The following FGF1 variants were observed in gnomAD, a reference collection of about 807,000 sequenced individuals.
FGF1 encodes the protein beta-endothelial cell growth factor.
In FGF1, 9 loss-of-function variants were observed where a neutral mutation model predicts 13.4. The observed-to-expected ratio is 0.67, with a 90% CI of 0.40 to 1.17. The LOEUF (loss-of-function observed/expected upper bound fraction) is 1.17, where lower values mean the gene tolerates loss of function less well. Ranked by LOEUF, FGF1 falls within the 50% of genes most tolerant of loss-of-function variation. FGF1 has a pLI of 0.01. For missense variants in FGF1, 156 were observed against 192.7 expected, an observed-to-expected ratio of 0.81 and a Z score of 1.13; for synonymous variants, 93 against 79.0, an observed-to-expected ratio of 1.18 and a Z score of -0.94.
chr5:142,695,218 G>A (rs1027700153), intron 2 of FGF1, among the ~76,000 whole-genome samples: 2 of 152,194 alleles, frequency 1.3e-5, no homozygotes, highest in South Asian at 4.1e-4. Context: ...GATGATGCCT[G>A]TAGGGACTCC....
chr5:142,661,767 G>T (rs1310501287), intron 1 of FGF1, among the ~76,000 whole-genome samples: 1 of 152,136 alleles, frequency 6.6e-6, no homozygotes, highest in Non-Finnish European at 1.5e-5. Context: ...ACTTTGGGAG[G>T]CCAAGGCGGG....
At chr5:142,694,699 G>A (rs10476843) in intron 2 of FGF1, among the ~76,000 whole-genome samples, 236 of 152,268 alleles carry the variant, frequency 1.5e-3, no homozygotes, top group African/African-American at 5.5e-3. Context: ...AGCCCAAGGG[G>A]CAAGCTTAAA....
chr5:142,608,737 CATATAT>C (rs1002614863), intron 2 of FGF1, among the ~76,000 whole-genome samples: 5 of 142,004 alleles, frequency 3.5e-5, no homozygotes, highest in African/African-American at 5.3e-5. Flanking sequence ...ACATATATAT[CATATAT>C]ATATAGTATA....
At chr5:142,626,548 C>T (rs1210847150) in intron 1 of FGF1, among the ~76,000 whole-genome samples, 2 of 152,158 alleles carry the variant, frequency 1.3e-5, no homozygotes, top group African/African-American at 4.8e-5. Context: ...GACCCTTGAG[C>T]TTCTCTATTC....
At chr5:142,695,581 C>CAAAAAAAAAAAAAAAAAAA (rs1202362613) in intron 2 of FGF1, among the ~76,000 whole-genome samples, 4 of 117,282 alleles carry the variant, frequency 3.4e-5, no homozygotes, top group African/African-American at 1.4e-4. Context: ...GACTCTGTAT[C>CAAAAAAAAAAAAAAAAAAA]AAAAAGAAAA....
chr5:142,629,994 A>G (rs1483603797), intron 1 of FGF1, among the ~76,000 whole-genome samples: 2 of 151,304 alleles, frequency 1.3e-5, no homozygotes, highest in Non-Finnish European at 2.9e-5. Flanking sequence ...GCCGGGTTCA[A>G]GTGATTCTCC....
intron 1 of FGF1, 150 bp from the exon 2 acceptor site, chr5:142,614,311 G>A (rs1424963113): frequency 3.2e-6 from 2 of 625,634 alleles, no homozygotes; most frequent in East Asian, 5.6e-5. Flanking sequence ...CCGCGGGCCT[G>A]TGAGGTGGCT....
chr5:142,672,464 G>A lies in FGF1; in HGVS notation c.-35+13493C>T, dbSNP rs1307448971. On this transcript the variant is annotated intron_variant, in intron 1 of 3. Coordinates refer to ENST00000337706, the MANE Select transcript of FGF1 (RefSeq NM_000800.5). Reference sequence around the variant, plus strand: ...TTACTCACATCCCTGCTCTGCTAACGTTTTGGATGCTCTCCTTCAGGTCTT... The same window carrying A: ...TTACTCACATCCCTGCTCTGCTAACATTTTGGATGCTCTCCTTCAGGTCTT... 3.4e-5 allele frequency among the ~76,000 whole-genome samples: 5 copies of A among 147,722 alleles called. No homozygotes were observed. In the East Asian group the frequency reaches 7.9e-4, roughly 23 times the overall value.
chr5:142,616,072 AGCTACCCTGCC>A (rs745987295), intron 1 of FGF1, among the ~76,000 whole-genome samples: 10 of 152,208 alleles, frequency 6.6e-5, no homozygotes, highest in Admixed American at 1.3e-4. Flanking sequence ...GAAGACCAGC[AGCTACCCTGCC>A]TTCCCTGCAC....
Position 142,610,644 on chromosome 5 carries a change from C to A in FGF1, c.169+3315G>T, listed in dbSNP as rs1561543999. ...TCTATGCAGCACTCCCTGGCTGATT[C>A]TGCCTGGCCTTCCTAGCATGGCAGC... is the stretch of plus-strand genomic sequence containing the variant. On this transcript the variant is annotated intron_variant, in intron 2 of 3. Transcript: ENST00000337706. Among the ~76,000 whole-genome samples the A allele has an allele frequency of 2.0e-5, 3 of 152,176 alleles. No individual in the cohort carries two copies. The South Asian group carries it at 6.2e-4, about 32-fold the overall frequency.
chr5:142,638,059 T>C (rs1764581308), intron 1 of FGF1, among the ~76,000 whole-genome samples: 1 of 152,028 alleles, frequency 6.6e-6, no homozygotes, highest in Non-Finnish European at 1.5e-5. Context: ...GAACAAAGCA[T>C]GGCAGTGAAC....
chr5:142,642,385 G>A (rs1195923798), intron 1 of FGF1, among the ~76,000 whole-genome samples: 3 of 152,228 alleles, frequency 2.0e-5, no homozygotes, highest in Non-Finnish European at 4.4e-5. Flanking sequence ...GGCCTGAGGG[G>A]ATAGTTCTGT....
At chr5:142,694,996 T>C (rs1478935315) in intron 2 of FGF1, among the ~76,000 whole-genome samples, 4 of 152,136 alleles carry the variant, frequency 2.6e-5, no homozygotes, top group Admixed American at 6.5e-5. Flanking sequence ...CTCTTTAAAC[T>C]CAGGCAGCAG....
At chr5:142,676,632 A>C (rs1301124243) in intron 1 of FGF1, among the ~76,000 whole-genome samples, 1 of 152,156 alleles carries the variant, frequency 6.6e-6, no homozygotes, top group Non-Finnish European at 1.5e-5. Flanking sequence ...TGTGGCTCTG[A>C]AATAGGGAAA....
At chr5:142,658,216 C>T (rs898891707) in intron 1 of FGF1, among the ~76,000 whole-genome samples, 2 of 152,220 alleles carry the variant, frequency 1.3e-5, no homozygotes, top group Non-Finnish European at 2.9e-5. Flanking sequence ...ATGATTCTAC[C>T]TAAATATTTC....
At position 142,628,271 on chromosome 5, in the gene FGF1, G is replaced by C. The variant is rs149600419; in HGVS notation, c.-34-14110C>G. On this transcript the variant is annotated intron_variant, in intron 1 of 3. Coordinates refer to ENST00000337706, the MANE Select transcript of FGF1 (RefSeq NM_000800.5). The stretch of plus-strand genomic sequence containing the variant: ...CACACCTGTAATCCCAGCATGTTGA[G>C]AGGCCGAGGCAGGCAGATCACGAGG... Among the ~76,000 whole-genome samples the C allele has an allele frequency of 1.1e-3, 170 of 152,314 alleles. 1 individual carries two copies. The highest frequency in any genetic ancestry group is 4.1e-3 in the African/African-American group (169 of 41,574).
At chr5:142,637,534 T>G (rs972850337) in intron 1 of FGF1, among the ~76,000 whole-genome samples, 1 of 151,984 alleles carries the variant, frequency 6.6e-6, no homozygotes, top group African/African-American at 2.4e-5. Context: ...TTAGCCACGA[T>G]GGTCTCAATC....
intron 1 of FGF1, among the ~76,000 whole-genome samples, chr5:142,630,482 G>T (rs985563904): frequency 1.3e-5 from 2 of 152,178 alleles, no homozygotes; most frequent in Admixed American, 1.3e-4. Context: ...ATCTTTTAAA[G>T]TTTATATCAG....
chr5:142,623,347 CTTT>C (rs34106306), intron 1 of FGF1, among the ~76,000 whole-genome samples: 2 of 144,852 alleles, frequency 1.4e-5, no homozygotes, highest in Non-Finnish European at 1.5e-5. Flanking sequence ...CCTTTTGACA[CTTT>C]TTTTTTTTTT....
Sources: gnomAD v4.1 joint callset for allele counts (sites outside exome capture counted in the v4.1 genomes callset) on GRCh38, gnomAD v4.1.1 for gene constraint, MANE v1.5 for transcripts, NCBI Gene and HGNC (gene_info 2026-07-23, HGNC 2026-07-21) for gene names.